RHEB: variants seen among roughly 807,000 people sequenced by gnomAD.
The protein encoded by RHEB is GTP-binding protein Rheb.
Under a neutral mutation model 28.8 loss-of-function variants are expected in RHEB, and 2 were observed. The observed-to-expected ratio is 0.07, with a 90% CI of 0.03 to 0.22. RHEB has a LOEUF of 0.22. Among genes scored for constraint, RHEB ranks in the 10% least tolerant of loss-of-function variants. RHEB has a pLI of 1.00. For missense variants in RHEB, 76 were observed against 219.9 expected (o/e 0.35, Z 4.14); for synonymous variants, 69 against 77.3 (o/e 0.89, Z 0.56).
intron 1 of RHEB, among the ~76,000 whole-genome samples, chr7:151,494,722 C>T (rs954603205): frequency 6.6e-6 from 1 of 152,214 alleles, no homozygotes; most frequent in Non-Finnish European, 1.5e-5. Context: ...AGAAGTGGCA[C>T]TGGAGAAAAA....
intron 6 of RHEB, among the ~76,000 whole-genome samples, 156 bp downstream of exon 6, chr7:151,471,237 AT>A (rs1802156822): frequency 6.6e-6 from 1 of 152,238 alleles, no homozygotes; most frequent in African/African-American, 2.4e-5. Flanking sequence ...GGAATGTGAG[AT>A]TTCTATTCCA....
At chr7:151,502,151 T>C (rs1260825931) in intron 1 of RHEB, 2 of 427,352 alleles carry the variant, frequency 4.7e-6, no homozygotes, top group African/African-American at 4.1e-5. Context: ...CAGAAGAATC[T>C]TGTGAACCCG....
At chr7:151,486,130 G>T (rs1396329369) in intron 2 of RHEB, among the ~76,000 whole-genome samples, 2 of 152,242 alleles carry the variant, frequency 1.3e-5, no homozygotes, top group East Asian at 3.8e-4. Flanking sequence ...CAGCCAGGGT[G>T]CAGTCACTAC....
chr7:151,472,220 T>C lies in RHEB; in HGVS notation c.276-615A>G, dbSNP rs1397993873. On this transcript the variant is annotated intron_variant, in intron 4 of 7. Transcript: ENST00000262187. The surrounding 1 kb of genome is among the most constrained non-coding windows in gnomAD (Gnocchi z 5.2). ...ACCCATGCAAACATCTGCCAGCACA[T>C]CACTGGCTCTACTTTCAAATCCTAC... 1.3e-5 allele frequency among the ~76,000 whole-genome samples: 2 copies of C among 152,158 alleles called. No homozygotes were observed. Among genetic ancestry groups the C allele is most frequent in the African/African-American group, 4.8e-5 (2 of 41,428 alleles).
rs181089115 is a variant in RHEB, at chr7:151,503,721, T to C, written c.53-12707A>G. Among the ~76,000 whole-genome samples the C allele has an allele frequency of 4.8e-3, 738 of 152,234 alleles. 10 individuals carry two copies. Among genetic ancestry groups the C allele is most frequent in the African/African-American group, 0.017 (706 of 41,504 alleles). ...TAATTTAAACAAGAATCCCAGTTTT[T>C]ACTTTTACTCGATGGTGAAATTCGT... On this transcript the variant is annotated intron_variant, in intron 1 of 7. Coordinates refer to ENST00000262187, the MANE Select transcript of RHEB (RefSeq NM_005614.4).
chr7:151,498,331 T>C (rs1419278081), intron 1 of RHEB, among the ~76,000 whole-genome samples: 1 of 152,140 alleles, frequency 6.6e-6, no homozygotes, highest in African/African-American at 2.4e-5. Flanking sequence ...TGAGTACCAC[T>C]GAATTGAAAG....
intron 3 of RHEB, among the ~76,000 whole-genome samples, chr7:151,481,501 C>G (rs950983880): frequency 3.3e-5 from 5 of 152,180 alleles, no homozygotes; most frequent in African/African-American, 1.2e-4. Flanking sequence ...CTAGAACCAG[C>G]CCCCGTATGC....
At chr7:151,496,802 CAG>C (rs1238863744) in intron 1 of RHEB, among the ~76,000 whole-genome samples, 1 of 152,004 alleles carries the variant, frequency 6.6e-6, no homozygotes, top group African/African-American at 2.4e-5. Flanking sequence ...TTTTTTGAGA[CAG>C]AGTCTTGCTC....
At position 151,519,603 on chromosome 7, in the gene RHEB, A is replaced by C; in HGVS notation, c.-92T>G. The C allele has an allele frequency of 1.6e-6, 2 of 1,266,334 alleles. No individual in the cohort carries two copies. Among genetic ancestry groups the C allele is most frequent in the Non-Finnish European group, 2.1e-6 (2 of 940,226 alleles). The allele number at this position is 1,266,334 out of a possible 1,614,324, so 78.4% of individuals were successfully genotyped here. On this transcript the variant is annotated 5_prime_UTR_variant, in exon 1 of 8. Coordinates refer to ENST00000262187, the MANE Select transcript of RHEB (RefSeq NM_005614.4). ...ATCGGCGGCGGCCGCGCCGGGAGAG[A>C]GCGGCATACAGAGCAGGGGCGGCGG...
rs1802794059 is a variant in RHEB, at chr7:151,502,692, C to T, written c.53-11678G>A. The stretch of plus-strand genomic sequence containing the variant: ...AAGGAAACACAAGAGAAGTCCTGCA[C>T]AAATTCACTGTGGATCTCCCAAAGA... On this transcript the variant is annotated intron_variant, in intron 1 of 7. Transcript: ENST00000262187. 4 of 1,609,634 alleles carry T rather than the reference C, an allele frequency of 2.5e-6. No individual in the cohort carries two copies. In the African/African-American group the frequency reaches 4.0e-5, roughly 16 times the overall value.
At chr7:151,474,604 T>C (rs184015288) in intron 4 of RHEB, among the ~76,000 whole-genome samples, 2 of 152,304 alleles carry the variant, frequency 1.3e-5, no homozygotes, top group Admixed American at 1.3e-4. Context: ...AAGTTGTTAG[T>C]GGGGATAAAT....
At chr7:151,498,014 C>A (rs184094601) in intron 1 of RHEB, 52 of 817,262 alleles carry the variant, frequency 6.4e-5, no homozygotes, top group Non-Finnish European at 4.5e-5. Context: ...TAGTTGGGTG[C>A]CACACACTTG....
At chr7:151,502,511 G>A in intron 1 of RHEB, 1 of 956,140 alleles carries the variant, frequency 1.0e-6, no homozygotes. Flanking sequence ...GGAAAAGAAA[G>A]TCAACGTTGA....
At chr7:151,474,490 T>C (rs1400104108) in intron 4 of RHEB, among the ~76,000 whole-genome samples, 4 of 152,178 alleles carry the variant, frequency 2.6e-5, no homozygotes, top group Admixed American at 2.0e-4. Flanking sequence ...CCTTAACTAA[T>C]GTTTTAAAGT....
At chr7:151,478,302 C>T (rs970976414) in intron 3 of RHEB, among the ~76,000 whole-genome samples, 5 of 150,076 alleles carry the variant, frequency 3.3e-5, no homozygotes, top group African/African-American at 1.2e-4. Flanking sequence ...AAGCAGCAGT[C>T]TATTATTTTT....
chr7:151,490,928 G>C lies in RHEB; in HGVS notation c.124+15C>G. The C allele has an allele frequency of 6.3e-7, 1 of 1,594,474 alleles. No homozygotes were observed. Among genetic ancestry groups the C allele is most frequent in the East Asian group, 2.2e-5 (1 of 44,760 alleles). On this transcript the variant is annotated intron_variant, in intron 2 of 7. Coordinates refer to ENST00000262187, the MANE Select transcript of RHEB (RefSeq NM_005614.4). ...AAGGCTTCTCAGTTTTTAAGTACTT[G>C]AAAACAATACTTACTGTTTTCTATG...
intron 1 of RHEB, among the ~76,000 whole-genome samples, chr7:151,504,849 A>G (rs1802837870): frequency 1.3e-5 from 2 of 151,646 alleles, no homozygotes; most frequent in South Asian, 4.2e-4. Flanking sequence ...ACTTGCCAAA[A>G]CCTGTTGAAT....
intron 1 of RHEB, among the ~76,000 whole-genome samples, chr7:151,496,775 TTTTTG>T (rs1404502987): frequency 6.6e-6 from 1 of 151,984 alleles, no homozygotes; most frequent in Non-Finnish European, 1.5e-5. Flanking sequence ...GACTTTTGTT[TTTTTG>T]TTTTGTTTTG....
chr7:151,485,585 A>G (rs1802457457), intron 2 of RHEB, among the ~76,000 whole-genome samples: 1 of 152,148 alleles, frequency 6.6e-6, no homozygotes. Flanking sequence ...GAGTCCTCCA[A>G]TCTCCTGATT....
Sources: allele counts gnomAD v4.1 joint callset (sites outside exome capture counted in the v4.1 genomes callset), GRCh38; gene constraint gnomAD v4.1.1; non-coding constraint Gnocchi (gnomAD v3.1); transcripts MANE v1.5; gene names NCBI Gene and HGNC (gene_info 2026-07-23, HGNC 2026-07-21).